Variants in FBXO25 observed in about 807,000 individuals in gnomAD.
FBXO25 encodes F-box only protein 25.
Under a neutral mutation model 51.9 loss-of-function variants are expected in FBXO25, and 45 were observed. The ratio of observed to expected loss-of-function variants is 0.87; its 90% CI spans 0.68 to 1.11. The LOEUF (loss-of-function observed/expected upper bound fraction) is 1.11. Ranked by LOEUF, FBXO25 falls within the 50% of genes most tolerant of loss-of-function variation. The pLI, the probability that FBXO25 is intolerant of heterozygous loss-of-function variation, is 0.00. For missense variants in FBXO25, 507 were observed against 428.5 expected, an observed-to-expected ratio of 1.18 and a Z score of -1.62; for synonymous variants, 199 against 151.0, an observed-to-expected ratio of 1.32 and a Z score of -2.33.
At position 432,762 on chromosome 8, in the gene FBXO25, C is replaced by T. The variant is rs537187098; in HGVS notation, c.239-124C>T. 1.3e-4 allele frequency: 157 copies of T among 1,218,162 alleles called. No homozygotes were observed. In the African/African-American group the frequency reaches 2.3e-3, roughly 18 times the overall value. The allele number at this position is 1,218,162 out of a possible 1,614,324, so 75.5% of individuals were successfully genotyped here. On this transcript the variant is annotated intron_variant, in intron 3 of 9. Transcript: ENST00000350302. ...CTGTTTGCATTCACCCACGTAAAAGCATTTCTTGTCAATATAGTAAGTCAG... is the reference window on the plus strand; with the variant it reads ...CTGTTTGCATTCACCCACGTAAAAGTATTTCTTGTCAATATAGTAAGTCAG...
intron 8 of FBXO25, among the ~76,000 whole-genome samples, chr8:461,570 G>C (rs1227681133): frequency 1.3e-5 from 2 of 152,126 alleles, no homozygotes; most frequent in African/African-American, 4.8e-5. Flanking sequence ...ACGGCACATG[G>C]GAATTATGGG....
At chr8:431,465 T>G in intron 3 of FBXO25, 21 bp downstream of exon 3, 2 of 1,208,390 alleles carry the variant, frequency 1.7e-6, no homozygotes, top group Non-Finnish European at 2.3e-6. Flanking sequence ...TCTCATTAAT[T>G]TTATTTTACT....
At chr8:418,868 T>G (rs945895011) in intron 2 of FBXO25, among the ~76,000 whole-genome samples, 6 of 152,186 alleles carry the variant, frequency 3.9e-5, no homozygotes, top group Non-Finnish European at 7.3e-5. Context: ...CTACTCACTC[T>G]TACTGTGGAC....
At position 468,763 on chromosome 8, in the gene FBXO25, C is replaced by G. The variant is rs1032304491; in HGVS notation, c.1036C>G (p.Pro346Ala). 1.2e-6 allele frequency: 2 copies of G among 1,614,078 alleles called. No individual in the cohort carries two copies. The highest frequency in any genetic ancestry group is 2.7e-5 in the African/African-American group (2 of 75,018). The change falls in exon 10 of 10, where the codon CCT becomes GCT. Residue 346 changes from proline to alanine, a missense_variant. Coordinates refer to ENST00000350302, the MANE Select transcript of FBXO25 (RefSeq NM_183420.2). ...GGCCGACCCTGACAGCTGCTTCACG[C>G]CTGTGTCTCCGCAGCACTTCATCGA... ...TAADPDSCFT[P>A]VSPQHFIDLF...
At chr8:450,229 C>A in intron 6 of FBXO25, 146 bp downstream of exon 6, 1 of 525,320 alleles carries the variant, frequency 1.9e-6, no homozygotes, top group Non-Finnish European at 3.2e-6. Context: ...AAATACAGGT[C>A]ATCCTTCCAG....
intron 4 of FBXO25, among the ~76,000 whole-genome samples, chr8:433,467 C>G (rs1007674725): frequency 6.6e-6 from 1 of 152,138 alleles, no homozygotes; most frequent in East Asian, 1.9e-4. Flanking sequence ...TCTGTGAGCC[C>G]TCTCATTCCA....
chr8:475,194 A>G lies in FBXO25; in HGVS notation c.*6390A>G. The G allele has an allele frequency of 3.1e-6, 1 of 326,664 alleles. No homozygotes were observed. Among genetic ancestry groups the G allele is most frequent in the Non-Finnish European group, 5.9e-6 (1 of 170,800 alleles). 20.2% of individuals were successfully genotyped at this position (326,664 alleles called of 1,614,324 possible). On this transcript the variant is annotated 3_prime_UTR_variant, in exon 10 of 10. Coordinates refer to ENST00000350302, the MANE Select transcript of FBXO25 (RefSeq NM_183420.2). ...CCACTTGTCTAGCACCATTTGTTGA[A>G]AAGACTGTCCTTTCTCCCTTGAATG...
chr8:462,964 A>C, intron 8 of FBXO25, 43 bp from the exon 9 acceptor site: 1 of 1,570,932 alleles, frequency 6.4e-7, no homozygotes. Context: ...TATGTTTTGA[A>C]AGTCATCTTA....
At chr8:429,233 G>A (rs1585032856) in intron 2 of FBXO25, among the ~76,000 whole-genome samples, 1 of 152,022 alleles carries the variant, frequency 6.6e-6, no homozygotes, top group African/African-American at 2.4e-5. Context: ...TTTGCCAGTA[G>A]CCTCATAATG....
At position 473,810 on chromosome 8, in the gene FBXO25, G is replaced by A. The variant is rs953372864; in HGVS notation, c.*5006G>A. On this transcript the variant is annotated 3_prime_UTR_variant, in exon 10 of 10. Transcript: ENST00000350302. ...ATAGAAGAGACACCTCAACTGTCTC[G>A]TTTTTGCATGGAAATTTCATTTTTA... 3 of 152,134 alleles carry A rather than the reference G, an allele frequency of 2.0e-5. No homozygotes were observed. The highest frequency in any genetic ancestry group is 1.3e-4 in the Admixed American group (2 of 15,276). 9.4% of individuals were successfully genotyped at this position (152,134 alleles called of 1,614,324 possible).
intron 2 of FBXO25, among the ~76,000 whole-genome samples, chr8:415,255 G>A (rs17737990): frequency 0.063 from 9,512 of 152,150 alleles, 321 homozygotes; most frequent in Middle Eastern, 0.082. Flanking sequence ...GTGAACGTGC[G>A]TGAAAATAGG....
At chr8:438,486 T>C (rs1798230620) in intron 5 of FBXO25, among the ~76,000 whole-genome samples, 2 of 152,346 alleles carry the variant, frequency 1.3e-5, no homozygotes, top group South Asian at 4.1e-4. Flanking sequence ...TAGTGTTCAA[T>C]TACAGATTCT....
rs922647862 is a variant in FBXO25 at position 472,171 on chromosome 8, C to T, written c.*3367C>T. 24 of 152,224 alleles carry T rather than the reference C, an allele frequency of 1.6e-4. 1 individual carries two copies. Among genetic ancestry groups the T allele is most frequent in the Admixed American group, 1.6e-3 (24 of 15,282 alleles). 9.4% of individuals were successfully genotyped at this position (152,224 alleles called of 1,614,324 possible). A position where few individuals can be genotyped will look rare whatever the true frequency, so the allele number is the denominator to read the frequency against. Reference sequence around the variant, plus strand: ...CATCTTAGGGGAAAGCTTTCAGTCTCACCATTAACTATGATGTTAACCCTG... The same window carrying T: ...CATCTTAGGGGAAAGCTTTCAGTCTTACCATTAACTATGATGTTAACCCTG... On this transcript the variant is annotated 3_prime_UTR_variant, in exon 10 of 10. Transcript: ENST00000350302.
At chr8:427,393 C>G (rs1349508518) in intron 2 of FBXO25, among the ~76,000 whole-genome samples, 1 of 150,716 alleles carries the variant, frequency 6.6e-6, no homozygotes. Flanking sequence ...GACCTTGGCA[C>G]TTAGAGTCAT....
At chr8:430,440 CA>C (rs1797757794) in intron 2 of FBXO25, among the ~76,000 whole-genome samples, 1 of 151,776 alleles carries the variant, frequency 6.6e-6, no homozygotes. Context: ...TTGGCAAAGT[CA>C]GCTTTTTTTT....
chr8:476,676 T>A lies in FBXO25; in HGVS notation c.*7872T>A, dbSNP rs571910686. 6.6e-6 allele frequency: 1 copy of A among 152,292 alleles called. No individual in the cohort carries two copies. Among genetic ancestry groups the A allele is most frequent in the African/African-American group, 2.4e-5 (1 of 41,578 alleles). 9.4% of individuals were successfully genotyped at this position (152,292 alleles called of 1,614,324 possible). On this transcript the variant is annotated 3_prime_UTR_variant, in exon 10 of 10. Transcript: ENST00000350302. ...TAGTACTCTTAATCCTTTTTATTTC[T>A]GTAAAATCAGTTGTAATGTCTCCTC...
intron 1 of FBXO25, among the ~76,000 whole-genome samples, chr8:410,312 A>C (rs1719579398): frequency 6.6e-6 from 1 of 152,160 alleles, no homozygotes; most frequent in Admixed American, 6.5e-5. Context: ...GCTAAATTGC[A>C]CACTTTTGAG....
intron 2 of FBXO25, among the ~76,000 whole-genome samples, chr8:419,943 T>C (rs977791059): frequency 3.3e-5 from 5 of 152,236 alleles, no homozygotes; most frequent in African/African-American, 1.2e-4. Flanking sequence ...AGTAAAAAAT[T>C]GGGCAATAGT....
At chr8:445,111 C>T (rs1563083871) in intron 5 of FBXO25, among the ~76,000 whole-genome samples, 1 of 152,136 alleles carries the variant, frequency 6.6e-6, no homozygotes, top group South Asian at 2.1e-4. Context: ...ACCAGTTTAA[C>T]CTGAAATGTA....
Sources: gnomAD v4.1 joint callset for allele counts (sites outside exome capture counted in the v4.1 genomes callset) on GRCh38, gnomAD v4.1.1 for gene constraint, MANE v1.5 for transcripts, NCBI Gene and HGNC (gene_info 2026-07-23, HGNC 2026-07-21) for gene names.